ROBO2: variants seen among roughly 807,000 people sequenced by gnomAD.
ROBO2 encodes roundabout guidance receptor 2.
In ROBO2, 53 loss-of-function variants were observed where a neutral mutation model predicts 160.8. That is an observed-to-expected ratio of 0.33 (90% CI 0.26 to 0.41). The LOEUF (loss-of-function observed/expected upper bound fraction) is 0.41. ROBO2 is among the 10% of genes least tolerant of loss of function. The probability of loss-of-function intolerance (pLI) is 1.00; values close to 1 mark genes in which losing one functional copy is unlikely to be tolerated. For missense variants in ROBO2, 1,577 were observed against 1,722.4 expected, an observed-to-expected ratio of 0.92 and a Z score of 1.49; for synonymous variants, 664 against 611.7, an observed-to-expected ratio of 1.09 and a Z score of -1.26.
Position 76,732,650 on chromosome 3 carries a change from G to C in ROBO2, c.110-365364G>C, listed in dbSNP as rs143837408. On this transcript the variant is annotated intron_variant, in intron 2 of 26. Coordinates refer to the ROBO2 transcript ENST00000487694. ...CAAAGGCACTTACTCTTTGATGGTT[G>C]ACAGAAGAAAGAAAGAAAGGAACAC... Among the ~76,000 whole-genome samples the C allele has an allele frequency of 1.3e-3, 203 of 152,170 alleles. 4 individuals are homozygous for C. In the East Asian group the frequency reaches 0.036, roughly 27 times the overall value.
chr3:77,481,831 T>A (rs754832439), intron 4 of ROBO2, among the ~76,000 whole-genome samples: 1 of 151,996 alleles, frequency 6.6e-6, no homozygotes, highest in African/African-American at 2.4e-5. Flanking sequence ...TAGAACCATA[T>A]CATATAAATG....
chr3:76,137,631 A>G (rs1186023946), intron 2 of ROBO2, among the ~76,000 whole-genome samples: 1 of 151,834 alleles, frequency 6.6e-6, no homozygotes, highest in East Asian at 1.9e-4. Context: ...TTTTCCTAAA[A>G]GGGTAAAGGG....
intron 2 of ROBO2, among the ~76,000 whole-genome samples, chr3:76,446,571 C>G (rs2077193785): frequency 6.6e-6 from 1 of 152,098 alleles, no homozygotes. Context: ...AAAAAAGAGC[C>G]CGCACTGCCA....
At chr3:76,173,670 T>C (rs1321722982) in intron 2 of ROBO2, among the ~76,000 whole-genome samples, 1 of 152,186 alleles carries the variant, frequency 6.6e-6, no homozygotes, top group Non-Finnish European at 1.5e-5. Context: ...GCTTCATCCA[T>C]GTCCCTGAAA....
chr3:76,716,354 A>T (rs1043113639), intron 2 of ROBO2, among the ~76,000 whole-genome samples: 1 of 152,188 alleles, frequency 6.6e-6, no homozygotes, highest in African/African-American at 2.4e-5. Flanking sequence ...AGAAGAAAAA[A>T]TGTATATCTT....
At chr3:77,145,185 A>G (rs1267985560) in intron 2 of ROBO2, among the ~76,000 whole-genome samples, 2 of 152,160 alleles carry the variant, frequency 1.3e-5, no homozygotes, top group Admixed American at 1.3e-4. Context: ...CATGGGCTGA[A>G]TGGATAATAT....
intron 2 of ROBO2, among the ~76,000 whole-genome samples, chr3:76,032,105 A>G (rs756475208): frequency 6.6e-6 from 1 of 152,150 alleles, no homozygotes; most frequent in Non-Finnish European, 1.5e-5. Flanking sequence ...GTGTCCAGGA[A>G]TTTATCCATT....
chr3:76,202,013 A>G (rs1702559224), intron 2 of ROBO2, among the ~76,000 whole-genome samples: 1 of 152,122 alleles, frequency 6.6e-6, no homozygotes, highest in Non-Finnish European at 1.5e-5. Context: ...ACTGCAGTGG[A>G]TGAAAATGGA....
intron 2 of ROBO2, among the ~76,000 whole-genome samples, chr3:76,654,243 AATAG>A (rs560578790): frequency 1.5e-3 from 230 of 152,330 alleles, no homozygotes; most frequent in Admixed American, 2.8e-3. Flanking sequence ...GGGCTTCTGA[AATAG>A]ATAGATGCCC....
intron 2 of ROBO2, among the ~76,000 whole-genome samples, chr3:76,273,636 G>A (rs1270679441): frequency 6.6e-6 from 1 of 152,096 alleles, no homozygotes; most frequent in Admixed American, 6.6e-5. Flanking sequence ...CAGATCTCAT[G>A]AGAACTCACT....
intron 2 of ROBO2, among the ~76,000 whole-genome samples, chr3:77,463,086 A>G (rs2082407391): frequency 6.6e-6 from 1 of 152,154 alleles, no homozygotes; most frequent in Non-Finnish European, 1.5e-5. Flanking sequence ...TGAGGGGACC[A>G]TCTTTCATTG....
chr3:76,653,501 T>A (rs2091346794), intron 2 of ROBO2, among the ~76,000 whole-genome samples: 1 of 151,946 alleles, frequency 6.6e-6, no homozygotes, highest in Non-Finnish European at 1.5e-5. Flanking sequence ...GCCAAAGTAA[T>A]GATTTACTAT....
intron 2 of ROBO2, among the ~76,000 whole-genome samples, chr3:76,893,175 A>G (rs931028249): frequency 5.3e-5 from 8 of 152,088 alleles, no homozygotes; most frequent in Middle Eastern, 3.2e-3. Flanking sequence ...TTGCAATGTT[A>G]TCATCATCTC....
chr3:76,861,847 C>A (rs3884002), intron 2 of ROBO2, among the ~76,000 whole-genome samples: 23,845 of 152,114 alleles, frequency 0.16, 2,224 homozygotes, highest in East Asian at 0.36. Context: ...CCTTGCTTTT[C>A]TTTTTAATTG....
chr3:76,839,038 A>AATCT (rs1423997767), intron 2 of ROBO2, among the ~76,000 whole-genome samples: 1 of 152,176 alleles, frequency 6.6e-6, no homozygotes, highest in Non-Finnish European at 1.5e-5. Context: ...CCACTGATGC[A>AATCT]ATCTAGATGT....
At chr3:76,434,761 G>C (rs1244237785) in intron 2 of ROBO2, 9 of 1,208,156 alleles carry the variant, frequency 7.4e-6, no homozygotes, top group Middle Eastern at 1.9e-4. Context: ...TCCGCTTCCT[G>C]CTCAGCCCTG....
intron 2 of ROBO2, among the ~76,000 whole-genome samples, chr3:77,402,080 C>T (rs1260818618): frequency 6.6e-6 from 1 of 152,094 alleles, no homozygotes; most frequent in East Asian, 1.9e-4. Context: ...ATATATACAC[C>T]ATGAAATACT....
rs532472356 is a variant in ROBO2 at position 77,222,674 on chromosome 3, ACTTTT to A, written c.388+124339_388+124343del. ...TTCATATGCAAGCATTTACTATAAA[ACTTTT>A]CTTTAATGTGTTTAAAGCATTTCTT... On this transcript the variant is annotated intron_variant, in intron 2 of 25. Transcript: ENST00000461745. Among the ~76,000 whole-genome samples, 78 of 152,262 alleles carry A rather than the reference ACTTTT, an allele frequency of 5.1e-4. 2 individuals are homozygous for A. The highest frequency in any genetic ancestry group is 1.4e-3 in the African/African-American group (58 of 41,544).
intron 2 of ROBO2, among the ~76,000 whole-genome samples, chr3:77,436,281 C>T (rs1035867783): frequency 2.6e-5 from 4 of 151,244 alleles, no homozygotes; most frequent in East Asian, 2.0e-4. Flanking sequence ...TCCTCCCTGT[C>T]GAATAAAATT....
Sources: gnomAD v4.1 joint callset for allele counts (sites outside exome capture counted in the v4.1 genomes callset) on GRCh38, gnomAD v4.1.1 for gene constraint, MANE v1.5 for transcripts, NCBI Gene and HGNC (gene_info 2026-07-23, HGNC 2026-07-21) for gene names.